PES1: variants seen among roughly 807,000 people sequenced by gnomAD.
The protein encoded by PES1 is pescadillo ribosomal biogenesis factor 1.
PES1 carries 31 observed loss-of-function variants against 77.1 expected under a neutral mutation model. That is an observed-to-expected ratio of 0.40 (90% CI 0.30 to 0.54). The LOEUF (loss-of-function observed/expected upper bound fraction) is 0.54, where lower values mean the gene tolerates loss of function less well. PES1 is among the 20% of genes least tolerant of loss of function. PES1 has a pLI of 0.45. For synonymous variants in PES1, 282 were observed against 303.0 expected (o/e 0.93, Z 0.72); for missense variants, 658 against 771.7 (o/e 0.85, Z 1.75).
intron 2 of PES1, among the ~76,000 whole-genome samples, chr22:30,602,195 G>T (rs2087366002): frequency 6.6e-6 from 1 of 152,112 alleles, no homozygotes; most frequent in Non-Finnish European, 1.5e-5. Context: ...CATGGAGGTG[G>T]TTTCCCCCAT....
At chr22:30,587,459 G>T in intron 3 of PES1, 64 bp from the exon 4 acceptor site, 1 of 1,284,040 alleles carries the variant, frequency 7.8e-7, no homozygotes, top group Non-Finnish European at 1.1e-6. Context: ...CTTCTTCCAT[G>T]GAAGATGGAA....
chr22:30,598,677 C>T (rs1189419132), intron 2 of PES1, among the ~76,000 whole-genome samples: 1 of 152,042 alleles, frequency 6.6e-6, no homozygotes, highest in Non-Finnish European at 1.5e-5. Context: ...GACCCCCGCA[C>T]CTCGGCCTCC....
At chr22:30,577,198 A>G (rs1280999705) in intron 14 of PES1, 69 bp from the exon 15 acceptor site, 2 of 1,280,430 alleles carry the variant, frequency 1.6e-6, no homozygotes, top group Non-Finnish European at 2.3e-6. Context: ...ACAGAACTCA[A>G]AGCTATATCC....
intron 2 of PES1, among the ~76,000 whole-genome samples, chr22:30,597,025 T>C (rs1210664298): frequency 1.3e-5 from 2 of 152,030 alleles, no homozygotes; most frequent in Non-Finnish European, 2.9e-5. Context: ...CTGCGGAGAG[T>C]GCGCCAGGTT....
intron 6 of PES1, chr22:30,584,099 G>A: frequency 3.9e-6 from 2 of 512,102 alleles, no homozygotes; most frequent in East Asian, 3.5e-5. Context: ...CACTGTTAAG[G>A]GTGTAGACAC....
chr22:30,588,173 G>A lies in PES1; in HGVS notation c.106C>T (p.Arg36Trp), dbSNP rs372195492. 3.1e-6 allele frequency: 5 copies of A among 1,614,006 alleles called. No homozygotes were observed. Among genetic ancestry groups the A allele is most frequent in the Non-Finnish European group, 2.5e-6 (3 of 1,180,046 alleles). Residue 36 changes from arginine (R) to tryptophan (W), a missense_variant and splice_region_variant, in exon 3 of 15, where the codon CGG (arginine) becomes TGG (tryptophan). Coordinates refer to ENST00000354694, the MANE Select transcript of PES1 (RefSeq NM_014303.4). ...TAAATGCCCTTCAGAATGCACAGCC[G>A]CCTGGAAGACAGAGGCCATCTGTTA... is the stretch of plus-strand genomic sequence containing the variant. Reference protein sequence around the residue: ...KLQLSLADFRRLCILKGIYPH... With the variant: ...KLQLSLADFRWLCILKGIYPH...
At chr22:30,592,481 G>T, upstream of PES1, 1 of 845,576 alleles carries the variant, frequency 1.2e-6, no homozygotes, top group Non-Finnish European at 1.4e-6. Context: ...AGCCTTAGTG[G>T]TGGACTCGTG....
chr22:30,591,753 T>C (rs915801270), intron 1 of PES1, 57 bp downstream of exon 1: 6 of 1,536,144 alleles, frequency 3.9e-6, no homozygotes, highest in Non-Finnish European at 5.3e-6. Flanking sequence ...GTCGACCCCA[T>C]GCTCTGCCGC....
chr22:30,579,775 C>T lies in PES1; in HGVS notation c.1330G>A (p.Ala444Thr). The change falls in exon 12 of 15, where the codon GCT (alanine) becomes ACT (threonine). Residue 444 changes from alanine to threonine, a missense_variant. Ala to Thr is a moderately conservative substitution (Grantham distance 58). Coordinates refer to ENST00000354694, the MANE Select transcript of PES1 (RefSeq NM_014303.4). ...CCTGGGTCCTCTCCCCGCTGCAGAG[C>T]CAGCAGCTTCAGCTTCTCAGGTGGA... is the stretch of plus-strand genomic sequence containing the variant. ...YVPPEKLKLL[A>T]LQRGEDPGNL... The T allele has an allele frequency of 6.2e-7, 1 of 1,613,940 alleles. No homozygotes were observed. Among genetic ancestry groups the T allele is most frequent in the Non-Finnish European group, 8.5e-7 (1 of 1,179,988 alleles).
chr22:30,598,747 A>G (rs574632126), intron 2 of PES1, among the ~76,000 whole-genome samples: 1 of 152,048 alleles, frequency 6.6e-6, no homozygotes, highest in African/African-American at 2.4e-5. Flanking sequence ...TAAGATTTTT[A>G]TTTGTGTATA....
chr22:30,597,953 G>T (rs112541506), intron 2 of PES1, among the ~76,000 whole-genome samples: 1 of 142,606 alleles, frequency 7.0e-6, no homozygotes, highest in East Asian at 2.0e-4. Flanking sequence ...GCGGCATCTC[G>T]GCTCACTGCA....
In PES1 at chr22:30,591,841, C is replaced by G; in HGVS notation, c.-8G>C. 3 of 1,555,388 alleles carry G rather than the reference C, an allele frequency of 1.9e-6. No individual in the cohort carries two copies. In the South Asian group the frequency reaches 3.5e-5, roughly 18 times the overall value. On this transcript the variant is annotated 5_prime_UTR_variant, in exon 1 of 15. Transcript: ENST00000354694. The stretch of plus-strand genomic sequence containing the variant: ...CTTCTCAAGGCCTCCCATCGCTCCA[C>G]GTTGAGGAGCCGACTAGGGCCGCGC...
rs1466282061 is a variant in PES1 at position 30,578,918 on chromosome 22, G to C, written c.1602C>G (p.Arg534=). 1 of 1,613,462 alleles carries C rather than the reference G, an allele frequency of 6.2e-7. No individual in the cohort carries two copies. Among genetic ancestry groups the C allele is most frequent in the East Asian group, 2.2e-5 (1 of 44,900 alleles). ...GCTTCTTCATCATCATAATGGCCAG[G>C]CGCTTGGCCTCACTCTCCTCCTCCT... is the stretch of plus-strand genomic sequence containing the variant. ...LAQEEESEAK[R]LAIMMMKKRE... is the part of the protein sequence containing the mutation. The change falls in exon 14 of 15, where the codon CGC becomes CGG. Residue 534 remains arginine, a synonymous_variant. Coordinates refer to ENST00000354694, the MANE Select transcript of PES1 (RefSeq NM_014303.4).
intron 1 of PES1, chr22:30,605,608 T>C (rs754626421): frequency 2.8e-5 from 9 of 325,234 alleles, no homozygotes; most frequent in East Asian, 1.7e-4. Context: ...GGTGGCTCCA[T>C]TGCACACACT....
At chr22:30,596,672 G>A (rs2087256597), upstream of PES1, among the ~76,000 whole-genome samples, 1 of 152,192 alleles carries the variant, frequency 6.6e-6, no homozygotes, top group Admixed American at 6.5e-5. Flanking sequence ...CGATGACTCT[G>A]TAGTACTGAG....
intron 1 of PES1, 123 bp from the exon 2 acceptor site, chr22:30,589,393 G>T: frequency 1.3e-6 from 1 of 796,028 alleles, no homozygotes; most frequent in Non-Finnish European, 2.1e-6. Flanking sequence ...GAGTCTAGGA[G>T]AGGAAACACT....
intron 4 of PES1, among the ~76,000 whole-genome samples, chr22:30,585,012 C>T (rs1181159857): frequency 2.0e-5 from 3 of 152,130 alleles, no homozygotes; most frequent in Non-Finnish European, 4.4e-5. Context: ...TTGTGGTGCA[C>T]GACGGTAGAC....
At chr22:30,584,742 T>A (rs775888698) in intron 4 of PES1, 25 bp from the exon 5 acceptor site, 86 of 1,611,712 alleles carry the variant, frequency 5.3e-5, no homozygotes, top group Admixed American at 6.7e-5. Flanking sequence ...AGGCAGCACA[T>A]GGGGCCTGTT....
At chr22:30,598,939 C>G (rs1290136073) in intron 2 of PES1, among the ~76,000 whole-genome samples, 1 of 83,652 alleles carries the variant, frequency 1.2e-5, no homozygotes, top group South Asian at 3.9e-4. Flanking sequence ...CTCTGTCATC[C>G]AGGCTAGAGT....
Sources: gnomAD v4.1 joint callset for allele counts (sites outside exome capture counted in the v4.1 genomes callset) on GRCh38, gnomAD v4.1.1 for gene constraint, MANE v1.5 for transcripts, NCBI Gene and HGNC (gene_info 2026-07-23, HGNC 2026-07-21) for gene names.